Variants in SRPK1 observed in about 807,000 individuals in gnomAD.
SRPK1 encodes SFRS protein kinase 1.
A neutral mutation model predicts 89.5 loss-of-function variants in SRPK1; 52 were observed. The observed-to-expected ratio is 0.58, with a 90% CI of 0.46 to 0.73. The LOEUF (loss-of-function observed/expected upper bound fraction) is 0.73. Ranked by LOEUF, SRPK1 falls within the 30% of genes least tolerant of loss-of-function variation. SRPK1 has a pLI of 0.00. For synonymous variants in SRPK1, 255 were observed against 270.2 expected, an observed-to-expected ratio of 0.94 and a Z score of 0.55; for missense variants, 603 against 780.6, an observed-to-expected ratio of 0.77 and a Z score of 2.71.
intron 6 of SRPK1, among the ~76,000 whole-genome samples, chr6:35,885,327 A>C (rs867908708): frequency 0.011 from 1,639 of 148,728 alleles, 19 homozygotes; most frequent in African/African-American, 0.016. Flanking sequence ...AGAGAGAGAG[A>C]GAGCCATCTA....
At chr6:35,912,633 A>G (rs958737400) in intron 2 of SRPK1, among the ~76,000 whole-genome samples, 5 of 152,224 alleles carry the variant, frequency 3.3e-5, no homozygotes, top group African/African-American at 1.2e-4. Context: ...TGCCTGTAAT[A>G]CTTTAGCCAA....
chr6:35,894,075 G>C (rs1396231588), intron 2 of SRPK1, among the ~76,000 whole-genome samples: 1 of 152,002 alleles, frequency 6.6e-6, no homozygotes, highest in African/African-American at 2.4e-5. Context: ...TATCAATCAG[G>C]TCTCTAATGC....
intron 12 of SRPK1, among the ~76,000 whole-genome samples, chr6:35,860,092 C>T (rs1318633526): frequency 6.6e-6 from 1 of 151,970 alleles, no homozygotes; most frequent in African/African-American, 2.4e-5. Flanking sequence ...TCTTGATCTC[C>T]TGACCTCGTG....
chr6:35,921,018 G>T, intron 1 of SRPK1, 26 bp downstream of exon 1: 5 of 1,540,412 alleles, frequency 3.2e-6, no homozygotes, highest in Non-Finnish European at 4.4e-6. Context: ...ATTGCCCCTC[G>T]TGGCGGAGGC....
intron 12 of SRPK1, among the ~76,000 whole-genome samples, chr6:35,867,408 G>A (rs1473562325): frequency 6.6e-6 from 1 of 152,184 alleles, no homozygotes; most frequent in African/African-American, 2.4e-5. Flanking sequence ...ATCAATATGG[G>A]AAGTAAGATC....
intron 12 of SRPK1, among the ~76,000 whole-genome samples, chr6:35,859,498 T>C (rs1769732094): frequency 6.6e-6 from 1 of 152,184 alleles, no homozygotes; most frequent in African/African-American, 2.4e-5. Context: ...AGTTTCACAG[T>C]TGGCCCAGAA....
At chr6:35,861,896 T>C (rs1217645100) in intron 12 of SRPK1, among the ~76,000 whole-genome samples, 1 of 152,094 alleles carries the variant, frequency 6.6e-6, no homozygotes, top group Non-Finnish European at 1.5e-5. Context: ...TGGCACCATT[T>C]TGAGAGTTTA....
chr6:35,891,034 G>T, intron 2 of SRPK1, 21 bp from the exon 3 acceptor site: 1 of 1,542,524 alleles, frequency 6.5e-7, no homozygotes, highest in Non-Finnish European at 8.7e-7. Flanking sequence ...ATACAAAAAT[G>T]CCCATTCCAT....
intron 3 of SRPK1, among the ~76,000 whole-genome samples, chr6:35,889,934 TAA>T (rs770236250): frequency 1.5e-4 from 19 of 128,520 alleles, no homozygotes; most frequent in Admixed American, 2.4e-4. Flanking sequence ...CTGTGTCTAC[TAA>T]AAAAAAAAAA....
chr6:35,881,643 A>G (rs574222838), intron 6 of SRPK1, among the ~76,000 whole-genome samples: 2 of 152,172 alleles, frequency 1.3e-5, no homozygotes, highest in African/African-American at 2.4e-5. Context: ...AGAAAAAGTT[A>G]TAAGAGATAA....
At chr6:35,908,375 C>T (rs1012117233) in intron 2 of SRPK1, among the ~76,000 whole-genome samples, 13 of 152,108 alleles carry the variant, frequency 8.5e-5, no homozygotes, top group African/African-American at 2.4e-4. Flanking sequence ...TGGTCTCAGA[C>T]GGAGACAAAG....
At chr6:35,838,569 G>T in intron 14 of SRPK1, 140 bp from the exon 15 acceptor site, 2 of 1,385,736 alleles carry the variant, frequency 1.4e-6, no homozygotes, top group Non-Finnish European at 9.9e-7. Flanking sequence ...TATCCTAAAT[G>T]GGAAGAGGAA....
rs1769334375 is a variant in SRPK1, at chr6:35,842,578, A to G, written c.1647T>C (p.Tyr549=). 6.2e-7 allele frequency: 1 copy of G among 1,612,962 alleles called. No homozygotes were observed. Among genetic ancestry groups the G allele is most frequent in the East Asian group, 2.2e-5 (1 of 44,862 alleles). Residue 549 remains tyrosine, a synonymous_variant, in exon 14 of 16, where the codon TAT becomes TAC. Coordinates refer to ENST00000373825, the MANE Select transcript of SRPK1 (RefSeq NM_003137.5). ...CMAFELATGD[Y]LFEPHSGEEY... is the part of the protein sequence containing the mutation. Reference sequence around the variant, plus strand: ...CTTCCCCTGAATGAGGTTCAAACAAATAGTCACCTGTGGCCAGTTCAAAGG... The same window carrying G: ...CTTCCCCTGAATGAGGTTCAAACAAGTAGTCACCTGTGGCCAGTTCAAAGG...
intron 15 of SRPK1, among the ~76,000 whole-genome samples, chr6:35,836,486 C>T (rs1769182078): frequency 6.6e-6 from 1 of 152,144 alleles, no homozygotes; most frequent in African/African-American, 2.4e-5. Flanking sequence ...GGCACAGTGG[C>T]TCATGCCTGT....
chr6:35,868,220 G>A (rs1377293721), intron 12 of SRPK1, among the ~76,000 whole-genome samples: 1 of 152,100 alleles, frequency 6.6e-6, no homozygotes, highest in African/African-American at 2.4e-5. Context: ...GTGATCTCAT[G>A]TGATCCGCCA....
chr6:35,867,951 G>A (rs1057376113), intron 12 of SRPK1, among the ~76,000 whole-genome samples: 3 of 152,084 alleles, frequency 2.0e-5, no homozygotes, highest in African/African-American at 7.2e-5. Context: ...GTTGTTAAAG[G>A]TAGAATAACT....
chr6:35,875,408 G>T (rs1024119382), intron 6 of SRPK1, among the ~76,000 whole-genome samples: 16 of 152,230 alleles, frequency 1.1e-4, no homozygotes, highest in Admixed American at 9.8e-4. Context: ...TACAGATGGG[G>T]TTTCACCATA....
intron 12 of SRPK1, among the ~76,000 whole-genome samples, chr6:35,866,096 C>A (rs757807484): frequency 4.0e-5 from 6 of 151,318 alleles, no homozygotes; most frequent in Non-Finnish European, 8.8e-5. Context: ...AAATGGCCAA[C>A]AAATAAATGA....
chr6:35,916,497 A>C (rs1242281432), intron 2 of SRPK1, among the ~76,000 whole-genome samples: 6 of 152,288 alleles, frequency 3.9e-5, no homozygotes, highest in East Asian at 1.9e-4. Context: ...ACTGAATAAA[A>C]ATGTTAGATA....
Sources: gnomAD v4.1 joint callset for allele counts (sites outside exome capture counted in the v4.1 genomes callset) on GRCh38, gnomAD v4.1.1 for gene constraint, MANE v1.5 for transcripts, NCBI Gene and HGNC (gene_info 2026-07-23, HGNC 2026-07-21) for gene names.